The following RAB30 variants were observed in gnomAD, a reference collection of about 807,000 sequenced individuals.
The protein encoded by RAB30 is ras-related protein Rab-30.
In RAB30, 9 loss-of-function variants were observed where a neutral mutation model predicts 25.1. The ratio of observed to expected loss-of-function variants is 0.36; its 90% CI spans 0.22 to 0.63. The LOEUF is 0.63. Ranked by LOEUF, RAB30 falls within the 20% of genes least tolerant of loss-of-function variation. The pLI, the probability that RAB30 is intolerant of heterozygous loss-of-function variation, is 0.69. For missense variants in RAB30, 140 were observed against 243.5 expected, an observed-to-expected ratio of 0.58 and a Z score of 2.83; for synonymous variants, 77 against 86.4, an observed-to-expected ratio of 0.89 and a Z score of 0.60.
At chr11:83,010,666 C>T (rs1722527719) in intron 1 of RAB30, among the ~76,000 whole-genome samples, 1 of 152,122 alleles carries the variant, frequency 6.6e-6, no homozygotes, top group Admixed American at 6.5e-5. Context: ...TGGGCTCTTC[C>T]AGAAGGCAGG....
At chr11:83,055,276 T>C (rs549439724) in intron 1 of RAB30, among the ~76,000 whole-genome samples, 1 of 152,370 alleles carries the variant, frequency 6.6e-6, no homozygotes, top group African/African-American at 2.4e-5. Flanking sequence ...TGAGTACCTG[T>C]CCAGCACACC....
chr11:83,010,969 A>G (rs1857289634), intron 1 of RAB30, among the ~76,000 whole-genome samples: 1 of 152,242 alleles, frequency 6.6e-6, no homozygotes. Flanking sequence ...CTGTAAAATG[A>G]AAAGAATTTG....
In RAB30 at chr11:82,980,384, G is replaced by A. The variant is rs1423560662; in HGVS notation, c.*1781C>T. On this transcript the variant is annotated 3_prime_UTR_variant, in exon 5 of 5. Coordinates refer to ENST00000527633, the MANE Select transcript of RAB30 (RefSeq NM_001286060.2). The stretch of plus-strand genomic sequence containing the variant: ...CCTTAAAAAATATGCATAATCTCAT[G>A]TGCAAGACACTGGTCAATCTAGAAC... 1.3e-5 allele frequency: 2 copies of A among 152,174 alleles called. No individual in the cohort carries two copies. The highest frequency in any genetic ancestry group is 1.9e-4 in the East Asian group (1 of 5,198). The allele number at this position is 152,174 out of a possible 1,614,324, so 9.4% of individuals were successfully genotyped here. A position where few individuals can be genotyped will look rare whatever the true frequency, so the allele number is the denominator to read the frequency against.
chr11:83,014,694 GAGAA>G (rs945853877), intron 1 of RAB30, among the ~76,000 whole-genome samples: 5 of 132,638 alleles, frequency 3.8e-5, no homozygotes, highest in Non-Finnish European at 8.1e-5. Context: ...AAGAAAGAAA[GAGAA>G]AGGAAGGAAG....
rs564729369 is a variant in RAB30 at position 83,002,131 on chromosome 11, C to G, written c.-8-4807G>C. On this transcript the variant is annotated intron_variant, in intron 1 of 4. Coordinates refer to ENST00000527633, the MANE Select transcript of RAB30 (RefSeq NM_001286060.2). ...TTTCTGCAACAGGATGCTGCTACCC[C>G]CTGCCTTGTAATTGACATTGTCTCT... Among the ~76,000 whole-genome samples the G allele has an allele frequency of 7.2e-5, 11 of 152,284 alleles. No homozygotes were observed. The East Asian group carries it at 9.6e-4, about 13-fold the overall frequency.
At chr11:83,048,521 T>A (rs985060726) in intron 1 of RAB30, among the ~76,000 whole-genome samples, 2 of 152,036 alleles carry the variant, frequency 1.3e-5, no homozygotes, top group South Asian at 4.1e-4. Context: ...AAGCTCTTCA[T>A]AAACCAGAAG....
At chr11:83,013,610 A>T (rs1198794848) in intron 1 of RAB30, among the ~76,000 whole-genome samples, 1 of 152,238 alleles carries the variant, frequency 6.6e-6, no homozygotes, top group Non-Finnish European at 1.5e-5. Context: ...AAGCAATTTG[A>T]TCTTAAGGAG....
intron 1 of RAB30, among the ~76,000 whole-genome samples, chr11:83,005,266 A>T (rs942641288): frequency 6.6e-6 from 1 of 152,194 alleles, no homozygotes; most frequent in African/African-American, 2.4e-5. Flanking sequence ...TGGCCTCTGT[A>T]TCCTGGCTAC....
chr11:83,010,076 C>A (rs1857272225), intron 1 of RAB30, among the ~76,000 whole-genome samples: 1 of 152,032 alleles, frequency 6.6e-6, no homozygotes, highest in South Asian at 2.1e-4. Flanking sequence ...TAAGATGACC[C>A]CCAAGATGGA....
In RAB30 at chr11:83,066,305, C is replaced by T. The variant is rs367605161; in HGVS notation, c.-9+5386G>A. On this transcript the variant is annotated intron_variant, in intron 1 of 4. Coordinates refer to ENST00000527633, the MANE Select transcript of RAB30 (RefSeq NM_001286060.2). Reference sequence around the variant, plus strand: ...TGAGATAAAAGTGAGGAGGCATTTTCAATTTACTACAGAAGAATAACTATT... The same window carrying T: ...TGAGATAAAAGTGAGGAGGCATTTTTAATTTACTACAGAAGAATAACTATT... 2.5e-3 allele frequency among the ~76,000 whole-genome samples: 377 copies of T among 152,254 alleles called. 1 individual carries two copies. Among genetic ancestry groups the T allele is most frequent in the African/African-American group, 8.6e-3 (356 of 41,552 alleles).
chr11:82,982,545 G>T, intron 4 of RAB30, 130 bp from the exon 5 acceptor site: 1 of 965,020 alleles, frequency 1.0e-6, no homozygotes. Context: ...AAATGTGACT[G>T]TGATTACTGA....
chr11:83,007,947 TCC>T (rs1283078134), intron 1 of RAB30, among the ~76,000 whole-genome samples: 1 of 152,198 alleles, frequency 6.6e-6, no homozygotes, highest in African/African-American at 2.4e-5. Flanking sequence ...CAGGTGGGGC[TCC>T]CTCTGTTGTC....
chr11:83,061,429 G>C, intron 1 of RAB30, among the ~76,000 whole-genome samples: 1 of 152,162 alleles, frequency 6.6e-6, no homozygotes, highest in South Asian at 2.1e-4. Flanking sequence ...ACATTGGAAC[G>C]ACTGAGGAAA....
At chr11:83,032,259 C>T (rs939172930) in intron 1 of RAB30, among the ~76,000 whole-genome samples, 5 of 152,182 alleles carry the variant, frequency 3.3e-5, no homozygotes, top group Admixed American at 2.6e-4. Context: ...AGTAACAAAG[C>T]TTGCTAGGTT....
chr11:83,037,395 G>A lies in RAB30; in HGVS notation c.-9+34296C>T, dbSNP rs189191524. ...CTCCCTAGTAGCTGGGATTACAGGC[G>A]CCCACCACCATGCCTGGCTAATTTT... On this transcript the variant is annotated intron_variant, in intron 1 of 4. Coordinates refer to ENST00000527633, the MANE Select transcript of RAB30 (RefSeq NM_001286060.2). 8.8e-3 allele frequency among the ~76,000 whole-genome samples: 1,342 copies of A among 151,680 alleles called. 21 individuals are homozygous for A. Among genetic ancestry groups the A allele is most frequent in the African/African-American group, 0.031 (1,283 of 41,260 alleles).
intron 1 of RAB30, among the ~76,000 whole-genome samples, chr11:83,054,024 A>C (rs577200217): frequency 7.2e-5 from 11 of 152,320 alleles, no homozygotes; most frequent in Middle Eastern, 3.4e-3. Context: ...TGGGAGGCAG[A>C]GGTTGCAGTG....
At chr11:82,986,923 G>A (rs564876825) in intron 4 of RAB30, 10 of 152,268 alleles carry the variant, frequency 6.6e-5, no homozygotes, top group South Asian at 2.1e-4. Context: ...ATATAGGAAC[G>A]TTCCTTTCTA....
chr11:83,023,377 CT>C (rs1380696809), intron 1 of RAB30, among the ~76,000 whole-genome samples: 3 of 152,202 alleles, frequency 2.0e-5, no homozygotes, highest in African/African-American at 7.2e-5. Flanking sequence ...TAAGGGCAGA[CT>C]TGAAATGTTG....
chr11:83,025,329 G>A (rs1678051530), intron 1 of RAB30, among the ~76,000 whole-genome samples: 1 of 152,208 alleles, frequency 6.6e-6, no homozygotes, highest in Non-Finnish European at 1.5e-5. Flanking sequence ...ATCTCTGACT[G>A]AGTCCATTCA....
Sources: gnomAD v4.1 joint callset for allele counts (sites outside exome capture counted in the v4.1 genomes callset) on GRCh38, gnomAD v4.1.1 for gene constraint, MANE v1.5 for transcripts, NCBI Gene and HGNC (gene_info 2026-07-23, HGNC 2026-07-21) for gene names.